SEMA4D: variants seen among roughly 807,000 people sequenced by gnomAD.
SEMA4D encodes semaphorin-4D.
In SEMA4D, 22 loss-of-function variants were observed where a neutral mutation model predicts 74.8. The ratio of observed to expected loss-of-function variants is 0.29; its 90% CI spans 0.21 to 0.42. The LOEUF is 0.42. SEMA4D is among the 10% of genes least tolerant of loss of function. The probability of loss-of-function intolerance (pLI) is 1.00; values close to 1 mark genes in which losing one functional copy is unlikely to be tolerated. For synonymous variants in SEMA4D, 445 were observed against 463.7 expected, an observed-to-expected ratio of 0.96 and a Z score of 0.52; for missense variants, 937 against 1,118.4, an observed-to-expected ratio of 0.84 and a Z score of 2.31.
At chr9:89,449,139 G>A (rs1415570643) in intron 2 of SEMA4D, among the ~76,000 whole-genome samples, 3 of 152,228 alleles carry the variant, frequency 2.0e-5, no homozygotes, top group Admixed American at 6.5e-5. Flanking sequence ...GCACAGGCCC[G>A]GGAGCCCGGC....
chr9:89,449,770 A>G (rs1853900789), intron 2 of SEMA4D: 2 of 1,511,324 alleles, frequency 1.3e-6, no homozygotes, highest in Non-Finnish European at 1.8e-6. Context: ...AAAGAGATGA[A>G]GAAACGTATT....
intron 13 of SEMA4D, chr9:89,384,976 C>A (rs1033435704): frequency 2.3e-5 from 23 of 985,318 alleles, no homozygotes; most frequent in African/African-American, 8.7e-5. Context: ...CACGTCCCCA[C>A]GAATGGAGGC....
intron 2 of SEMA4D, among the ~76,000 whole-genome samples, chr9:89,443,327 A>C (rs1249643900): frequency 6.6e-6 from 1 of 152,196 alleles, no homozygotes; most frequent in Non-Finnish European, 1.5e-5. Context: ...CAAGGAGCTT[A>C]AACAGGGCCA....
chr9:89,431,651 T>C (rs1849299580), intron 2 of SEMA4D, among the ~76,000 whole-genome samples: 1 of 152,006 alleles, frequency 6.6e-6, no homozygotes, highest in African/African-American at 2.4e-5. Flanking sequence ...GCGTGAGCCA[T>C]CATGCTCAGC....
chr9:89,444,596 T>A (rs1481043943), intron 2 of SEMA4D, among the ~76,000 whole-genome samples: 2 of 152,252 alleles, frequency 1.3e-5, no homozygotes, highest in East Asian at 3.9e-4. Flanking sequence ...GCTGGCACAC[T>A]GGAAGGAAAC....
intron 16 of SEMA4D, among the ~76,000 whole-genome samples, chr9:89,366,354 T>G (rs1406262674): frequency 1.3e-5 from 2 of 152,236 alleles, no homozygotes; most frequent in African/African-American, 4.8e-5. Flanking sequence ...AAGCATTGCT[T>G]TTATAATAAT....
rs950547969 is a variant in SEMA4D at position 89,396,751 on chromosome 9, C to A, written c.400G>T (p.Ala134Ser). The A allele has an allele frequency of 2.5e-6, 4 of 1,613,424 alleles. No individual in the cohort carries two copies. In the African/African-American group the frequency reaches 5.3e-5, roughly 22 times the overall value. ...YVCGTNAFQP[A>S]CDHLNLTSFK... ...ATCAGCCTTACCAGGTGGTCACAGG[C>A]CGGCTGGAATGCGTTGGTCCCACAC... Residue 134 changes from alanine (A) to serine (S), a missense_variant, in exon 6 of 16, where the codon GCC (alanine) becomes TCC (serine). Coordinates refer to ENST00000422704, the MANE Select transcript of SEMA4D (RefSeq NM_001371194.2).
intron 1 of SEMA4D, among the ~76,000 whole-genome samples, chr9:89,478,381 G>A (rs1360844433): frequency 6.6e-6 from 1 of 152,122 alleles, no homozygotes; most frequent in Non-Finnish European, 1.5e-5. Context: ...AAGGGACACT[G>A]GGGCCACACA....
chr9:89,395,440 T>A (rs1335837309), intron 6 of SEMA4D, among the ~76,000 whole-genome samples: 1 of 150,294 alleles, frequency 6.7e-6, no homozygotes, highest in Non-Finnish European at 1.5e-5. Context: ...AAAAAAAAAA[T>A]TAGGAAAAAT....
At chr9:89,386,116 A>G in intron 13 of SEMA4D, 1 of 980,678 alleles carries the variant, frequency 1.0e-6, no homozygotes, top group Non-Finnish European at 1.2e-6. Context: ...CTGCACCAAC[A>G]ACTCAATGAC....
chr9:89,371,398 TGTGTGTCTGGG>T (rs1286868919), intron 16 of SEMA4D, among the ~76,000 whole-genome samples: 2 of 84,352 alleles, frequency 2.4e-5, no homozygotes, highest in African/African-American at 9.7e-5. Context: ...TGGGGTGTGG[TGTGTGTCTGGG>T]GTGTGGTGTG....
At chr9:89,454,937 G>A (rs1386724211) in intron 2 of SEMA4D, among the ~76,000 whole-genome samples, 1 of 152,244 alleles carries the variant, frequency 6.6e-6, no homozygotes, top group Non-Finnish European at 1.5e-5. Flanking sequence ...GGGTGGCTCT[G>A]CCTCTTCACA....
Position 89,379,518 on chromosome 9 carries a change from C to T in SEMA4D, c.1775G>A (p.Gly592Asp), listed in dbSNP as rs45464494. The T allele has an allele frequency of 0.077, 124,439 of 1,614,098 alleles. 5,478 individuals carry two copies. The highest frequency in any genetic ancestry group is 0.11 in the South Asian group (10,282 of 91,072). The change falls in exon 16 of 16, where the codon GGC becomes GAC. Residue 592 changes from glycine (G) to aspartate (D), a missense_variant. Gly to Asp is a moderately conservative substitution (Grantham distance 94). Transcript: ENST00000422704. ...CTTGGGGCTCTCGGCCTTCAACACG[C>T]CATTCTGGAACTTCCAAAAGACCCG... ...LARVFWKFQNGVLKAESPKYG... is the reference protein window; with the variant it reads ...LARVFWKFQNDVLKAESPKYG...
chr9:89,450,861 G>GGGGGT, intron 2 of SEMA4D: 1 of 525,616 alleles, frequency 1.9e-6, no homozygotes. Context: ...CCAGCAGAGT[G>GGGGGT]GGGGTGTCCC....
At chr9:89,459,250 G>T (rs1282425446) in intron 1 of SEMA4D, among the ~76,000 whole-genome samples, 2 of 109,588 alleles carry the variant, frequency 1.8e-5, no homozygotes, top group African/African-American at 5.2e-5. Context: ...GTAGTGCTCT[G>T]GGGGGGTCCA....
chr9:89,479,936 C>T (rs1217777846), intron 1 of SEMA4D: 1 of 152,282 alleles, frequency 6.6e-6, no homozygotes, highest in Non-Finnish European at 1.5e-5. Context: ...TCTGGCCCCA[C>T]CCACATCCTG....
intron 1 of SEMA4D, among the ~76,000 whole-genome samples, chr9:89,483,561 T>A (rs1365194776): frequency 3.3e-5 from 5 of 152,202 alleles, no homozygotes; most frequent in African/African-American, 1.2e-4. Flanking sequence ...ATTTTTACAT[T>A]TCCATGCAGT....
At chr9:89,462,211 G>A (rs1011985360) in intron 1 of SEMA4D, among the ~76,000 whole-genome samples, 8 of 152,146 alleles carry the variant, frequency 5.3e-5, no homozygotes, top group Non-Finnish European at 1.2e-4. Flanking sequence ...GCCAGAAATC[G>A]CTTGGTGTGA....
chr9:89,379,404 A>G lies in SEMA4D; in HGVS notation c.1889T>C (p.Val630Ala). ...GVYQCLSEER[V>A]KNKTVFQVVA... Reference sequence around the variant, plus strand: ...CACTTGGAAGACCGTTTTGTTCTTAACCCTCTCCTCTGACAGGCACTGGTA... The same window carrying G: ...CACTTGGAAGACCGTTTTGTTCTTAGCCCTCTCCTCTGACAGGCACTGGTA... Residue 630 changes from valine to alanine, a missense_variant, in exon 16 of 16, where the codon GTT becomes GCT. Physicochemically the swap from Val to Ala is moderately conservative, Grantham distance 64 (BLOSUM62 0). Coordinates refer to ENST00000422704, the MANE Select transcript of SEMA4D (RefSeq NM_001371194.2). 1 of 1,614,058 alleles carries G rather than the reference A, an allele frequency of 6.2e-7. No homozygotes were observed. Among genetic ancestry groups the G allele is most frequent in the Non-Finnish European group, 8.5e-7 (1 of 1,179,994 alleles).
Sources: allele counts gnomAD v4.1 joint callset (sites outside exome capture counted in the v4.1 genomes callset), GRCh38; gene constraint gnomAD v4.1.1; transcripts MANE v1.5; gene names NCBI Gene and HGNC (gene_info 2026-07-23, HGNC 2026-07-21).